TTC7B: variants seen among roughly 807,000 people sequenced by gnomAD.
The protein encoded by TTC7B is tetratricopeptide repeat protein 7B.
In TTC7B, 28 loss-of-function variants were observed where a neutral mutation model predicts 106.8. That is an observed-to-expected ratio of 0.26 (90% confidence interval 0.19 to 0.36). TTC7B has a LOEUF of 0.36. TTC7B is among the 10% of genes least tolerant of loss of function. The pLI is 1.00. For synonymous variants in TTC7B, 405 were observed against 430.6 expected (o/e 0.94, Z 0.74); for missense variants, 862 against 1,076.4 (o/e 0.80, Z 2.79).
intron 1 of TTC7B, among the ~76,000 whole-genome samples, chr14:90,801,509 T>G (rs529471347): frequency 1.3e-5 from 2 of 152,210 alleles, no homozygotes; most frequent in South Asian, 4.1e-4. Flanking sequence ...AACCCTCGAT[T>G]TGAGATAGCA....
At chr14:90,776,966 T>G (rs1021792603) in intron 3 of TTC7B, among the ~76,000 whole-genome samples, 1 of 152,202 alleles carries the variant, frequency 6.6e-6, no homozygotes, top group Non-Finnish European at 1.5e-5. Context: ...CTGGGCATGG[T>G]GGCTCATGCC....
At chr14:90,811,583 C>T (rs1280518905) in intron 1 of TTC7B, among the ~76,000 whole-genome samples, 1 of 151,638 alleles carries the variant, frequency 6.6e-6, no homozygotes, top group African/African-American at 2.4e-5. Context: ...TGTGGATGCC[C>T]GTGCTTAAAA....
rs1361893339 is a variant in TTC7B, at chr14:90,587,272, T to C, written c.2107+6214A>G. Among the ~76,000 whole-genome samples, 5 of 152,352 alleles carry C rather than the reference T, an allele frequency of 3.3e-5. No homozygotes were observed. The East Asian group carries it at 9.6e-4, about 29-fold the overall frequency. ...TTTGAAAGTGGTCCTTTCATGCTCCTGCTTCAAGTCCCTCAGTAGCTTTCC... is the reference window on the plus strand; with the variant it reads ...TTTGAAAGTGGTCCTTTCATGCTCCCGCTTCAAGTCCCTCAGTAGCTTTCC... On this transcript the variant is annotated intron_variant, in intron 18 of 19. Coordinates refer to ENST00000328459, the MANE Select transcript of TTC7B (RefSeq NM_001010854.2).
intron 1 of TTC7B, among the ~76,000 whole-genome samples, chr14:90,801,181 C>T (rs2030243003): frequency 7.0e-6 from 1 of 142,854 alleles, no homozygotes; most frequent in Non-Finnish European, 1.5e-5. Flanking sequence ...GCCATGATCA[C>T]ACCACTGCAC....
At chr14:90,637,942 G>A (rs1171731277) in intron 15 of TTC7B, among the ~76,000 whole-genome samples, 1 of 152,164 alleles carries the variant, frequency 6.6e-6, no homozygotes, top group Non-Finnish European at 1.5e-5. Context: ...CTGTTGCCCA[G>A]GCTGGAGTGT....
chr14:90,667,122 T>C (rs551653553), intron 9 of TTC7B, among the ~76,000 whole-genome samples: 35 of 152,338 alleles, frequency 2.3e-4, no homozygotes, highest in African/African-American at 8.2e-4. Flanking sequence ...CCTTCAACCA[T>C]GGCTGCCACT....
Position 90,808,342 on chromosome 14 carries a change from C to T in TTC7B, c.121+7833G>A, listed in dbSNP as rs2030718973. Among the ~76,000 whole-genome samples, 1 of 152,220 alleles carries T rather than the reference C, an allele frequency of 6.6e-6. No individual in the cohort carries two copies. The highest frequency in any genetic ancestry group is 6.5e-5 in the Admixed American group (1 of 15,286). ...AGAGACCCAAGAAATGCAGTTCATT[C>T]TTCTTCCCTGCTAGCACTATTTTAA... On this transcript the variant is annotated intron_variant, in intron 1 of 19. Transcript: ENST00000328459. This position sits in a 1 kb window ranked among gnomAD's most constrained non-coding sequence, Gnocchi z 4.2.
intron 5 of TTC7B, among the ~76,000 whole-genome samples, chr14:90,701,271 A>AT (rs1245717363): frequency 6.6e-6 from 1 of 152,192 alleles, no homozygotes; most frequent in Non-Finnish European, 1.5e-5. Context: ...TACCTCAGCA[A>AT]TTGAGGCTTC....
chr14:90,692,753 A>T (rs920615046), intron 6 of TTC7B, among the ~76,000 whole-genome samples: 1 of 152,246 alleles, frequency 6.6e-6, no homozygotes, highest in Admixed American at 6.5e-5. Flanking sequence ...TTGAGAGAAA[A>T]GACAGCTGGC....
At chr14:90,803,238 G>A (rs1026361848) in intron 1 of TTC7B, among the ~76,000 whole-genome samples, 1 of 151,992 alleles carries the variant, frequency 6.6e-6, no homozygotes, top group African/African-American at 2.4e-5. Flanking sequence ...CCCCCCAAGT[G>A]AAGGCCAAAA....
In TTC7B at chr14:90,610,653, A is replaced by G. The variant is rs1160538421; in HGVS notation, c.1966+89T>C. The G allele has an allele frequency of 2.6e-5, 25 of 954,954 alleles. No individual in the cohort carries two copies. In the Admixed American group the frequency reaches 4.3e-4, roughly 16 times the overall value. The allele number at this position is 954,954 out of a possible 1,614,324, so 59.2% of individuals were successfully genotyped here. The stretch of plus-strand genomic sequence containing the variant: ...TGTGCAAGAAATTTTTCCAACCCCA[A>G]CCCGATCAGTCTCATCCCATGTCAC... On this transcript the variant is annotated intron_variant, in intron 17 of 19. Transcript: ENST00000328459.
At chr14:90,548,763 G>A (rs1018536537) in intron 19 of TTC7B, among the ~76,000 whole-genome samples, 3 of 152,210 alleles carry the variant, frequency 2.0e-5, no homozygotes, top group Non-Finnish European at 4.4e-5. Flanking sequence ...CAGACTGAGC[G>A]TGGGTCTGTC....
At position 90,600,364 on chromosome 14, in the gene TTC7B, G is replaced by A. The variant is rs985157858; in HGVS notation, c.1967-6738C>T. Among the ~76,000 whole-genome samples the A allele has an allele frequency of 3.3e-5, 5 of 152,106 alleles. No homozygotes were observed. The highest frequency in any genetic ancestry group is 6.5e-5 in the Admixed American group (1 of 15,274). On this transcript the variant is annotated intron_variant, in intron 17 of 19. Coordinates refer to ENST00000328459, the MANE Select transcript of TTC7B (RefSeq NM_001010854.2). This position sits in a 1 kb window ranked among gnomAD's most constrained non-coding sequence, Gnocchi z 4.3. ...CTGCTTCCCTGGGAGCTGCCCTCGC[G>A]CCTTGTGTCCCCCAGTGTGACAGCA...
At chr14:90,713,629 G>A (rs570320629) in intron 5 of TTC7B, among the ~76,000 whole-genome samples, 1 of 152,232 alleles carries the variant, frequency 6.6e-6, no homozygotes, top group East Asian at 1.9e-4. Context: ...CCATGGGATG[G>A]TTTCCTAAAA....
rs1555386583 is a variant in TTC7B, at chr14:90,659,230, TGA to T, written c.1153-845_1153-844del. 1.2e-3 allele frequency among the ~76,000 whole-genome samples: 180 copies of T among 146,952 alleles called. 1 individual carries two copies. In the Middle Eastern group the frequency reaches 0.018, roughly 14 times the overall value. ...GAGTGTGATTGTGTGTGTGTGTGTG[TGA>T]GAGAGAGAGAGTGTGTGGAGTGTGT... On this transcript the variant is annotated intron_variant, in intron 9 of 19. Coordinates refer to ENST00000328459, the MANE Select transcript of TTC7B (RefSeq NM_001010854.2).
chr14:90,553,480 C>G (rs886555350), intron 19 of TTC7B, among the ~76,000 whole-genome samples: 1 of 152,222 alleles, frequency 6.6e-6, no homozygotes, highest in Non-Finnish European at 1.5e-5. Context: ...ATGGGCAGCA[C>G]CCCCTCCAGG....
At chr14:90,592,009 T>G (rs1891980775) in intron 18 of TTC7B, among the ~76,000 whole-genome samples, 1 of 152,244 alleles carries the variant, frequency 6.6e-6, no homozygotes, top group African/African-American at 2.4e-5. Flanking sequence ...AAGAATATAA[T>G]TTGTTAATTT....
chr14:90,802,970 A>AT lies in TTC7B; in HGVS notation c.121+13204_121+13205insA, dbSNP rs2030368344. Among the ~76,000 whole-genome samples, 1 of 9,908 alleles carries AT rather than the reference A, an allele frequency of 1.0e-4. No individual in the cohort carries two copies. Among genetic ancestry groups the AT allele is most frequent in the Admixed American group, 1.7e-3 (1 of 580 alleles). The allele number at this position is 9,908 out of a possible 152,430, so 6.5% of individuals were successfully genotyped here. ...AACATGGTGAAACCCCATCTCTGCT[A>AT]AAAAAAAAAAAAAATACAAAAAATT... On this transcript the variant is annotated intron_variant, in intron 1 of 19. Coordinates refer to ENST00000328459, the MANE Select transcript of TTC7B (RefSeq NM_001010854.2). The surrounding 1 kb of genome is among the most constrained non-coding windows in gnomAD (Gnocchi z 4.7).
chr14:90,759,895 C>T lies in TTC7B; in HGVS notation c.446-14973G>A, dbSNP rs1019704421. Among the ~76,000 whole-genome samples the T allele has an allele frequency of 1.3e-5, 2 of 152,188 alleles. No homozygotes were observed. Among genetic ancestry groups the T allele is most frequent in the East Asian group, 1.9e-4 (1 of 5,194 alleles). ...GTGCAGCAGGCACTGTTGTCCCTGG[C>T]GCACATGCAGGGAGATAAAGCAGGC... On this transcript the variant is annotated intron_variant, in intron 3 of 19. Coordinates refer to ENST00000328459, the MANE Select transcript of TTC7B (RefSeq NM_001010854.2). This position sits in a 1 kb window ranked among gnomAD's most constrained non-coding sequence, Gnocchi z 4.1.
Sources: gnomAD v4.1 joint callset for allele counts (sites outside exome capture counted in the v4.1 genomes callset) on GRCh38, gnomAD v4.1.1 for gene constraint, Gnocchi (gnomAD v3.1) non-coding constraint, MANE v1.5 for transcripts, NCBI Gene and HGNC (gene_info 2026-07-23, HGNC 2026-07-21) for gene names.